IRAK2: variants seen among roughly 807,000 people sequenced by gnomAD.
IRAK2 encodes the protein interleukin 1 receptor associated kinase 2.
A neutral mutation model predicts 72.0 loss-of-function variants in IRAK2; 57 were observed. The observed-to-expected ratio is 0.79, with a 90% confidence interval of 0.64 to 0.99. The LOEUF (loss-of-function observed/expected upper bound fraction) is 0.99. Ranked by LOEUF, IRAK2 falls within the 50% of genes least tolerant of loss-of-function variation. IRAK2 has a pLI of 0.00. For synonymous variants in IRAK2, 293 were observed against 312.7 expected (o/e 0.94, Z 0.67); for missense variants, 790 against 794.4 (o/e 0.99, Z 0.07).
At chr3:10,238,276 T>G (rs1697997545) in intron 11 of IRAK2, among the ~76,000 whole-genome samples, 1 of 152,108 alleles carries the variant, frequency 6.6e-6, no homozygotes. Flanking sequence ...AGCCATTGTG[T>G]CTCTCTGTCT....
chr3:10,189,459 C>T (rs1322129932), intron 2 of IRAK2, among the ~76,000 whole-genome samples: 1 of 152,182 alleles, frequency 6.6e-6, no homozygotes, highest in Non-Finnish European at 1.5e-5. Context: ...ACTATATGGA[C>T]TGGGGGGCTG....
chr3:10,195,658 G>A (rs186764169), intron 2 of IRAK2, among the ~76,000 whole-genome samples: 186 of 152,260 alleles, frequency 1.2e-3, no homozygotes, highest in Non-Finnish European at 2.4e-3. Flanking sequence ...GCAGGCCTCC[G>A]ACAAGGAGAA....
intron 1 of IRAK2, among the ~76,000 whole-genome samples, chr3:10,176,841 C>T (rs952426405): frequency 4.7e-5 from 7 of 149,504 alleles, no homozygotes; most frequent in Admixed American, 1.3e-4. Context: ...CTCGCTCTGT[C>T]GCCCAGGCTG....
chr3:10,168,159 G>T (rs1178094102), intron 1 of IRAK2, among the ~76,000 whole-genome samples: 1 of 152,076 alleles, frequency 6.6e-6, no homozygotes, highest in Non-Finnish European at 1.5e-5. Context: ...ACCAGTGTAT[G>T]AGGATGACCA....
intron 9 of IRAK2, among the ~76,000 whole-genome samples, chr3:10,223,367 C>T (rs1048120818): frequency 6.6e-6 from 1 of 152,088 alleles, no homozygotes; most frequent in African/African-American, 2.4e-5. Context: ...TCCTTGTCTG[C>T]CATTATGTCG....
intron 2 of IRAK2, among the ~76,000 whole-genome samples, chr3:10,178,805 T>C (rs1382178032): frequency 6.6e-6 from 1 of 151,952 alleles, no homozygotes; most frequent in Non-Finnish European, 1.5e-5. Flanking sequence ...ATTCCTTTTT[T>C]AAAAACTTTT....
intron 11 of IRAK2, among the ~76,000 whole-genome samples, chr3:10,237,504 T>C (rs1211096889): frequency 5.3e-5 from 8 of 152,128 alleles, no homozygotes; most frequent in Non-Finnish European, 1.2e-4. Context: ...TCATGCATTG[T>C]GTATGAAATG....
At chr3:10,165,124 G>A in intron 1 of IRAK2, 76 bp downstream of exon 1, 1 of 1,267,860 alleles carries the variant, frequency 7.9e-7, no homozygotes, top group Non-Finnish European at 1.1e-6. Context: ...CGGCCGCCAA[G>A]CTCCCTCGGG....
At chr3:10,176,071 T>C (rs1376585248) in intron 1 of IRAK2, among the ~76,000 whole-genome samples, 1 of 147,608 alleles carries the variant, frequency 6.8e-6, no homozygotes. Flanking sequence ...CCATGTTTTT[T>C]TTTTTTTTTT....
In IRAK2 at chr3:10,242,225, C is replaced by T. The variant is rs762093370; in HGVS notation, c.1875C>T (p.Pro625=). 21 of 1,588,236 alleles carry T rather than the reference C, an allele frequency of 1.3e-5. No individual in the cohort carries two copies. Among genetic ancestry groups the T allele is most frequent in the African/African-American group, 1.3e-5 (1 of 74,360 alleles). Residue 625 remains proline (P), a synonymous_variant, in exon 13 of 13, where the codon CCC becomes CCT. Transcript: ENST00000256458. The part of the protein sequence containing the change: ...EKVDSIELFG[P] Reference sequence around the variant, plus strand: ...TGGACAGCATTGAGCTCTTTGGCCCCTGATGACCGGAACACAGCTGAGGAC... The same window carrying T: ...TGGACAGCATTGAGCTCTTTGGCCCTTGATGACCGGAACACAGCTGAGGAC...
intron 11 of IRAK2, among the ~76,000 whole-genome samples, chr3:10,235,481 G>A (rs1448999596): frequency 6.6e-6 from 1 of 152,040 alleles, no homozygotes; most frequent in East Asian, 1.9e-4. Context: ...TCTTTCTAAG[G>A]ACAAACTCTC....
In IRAK2 at chr3:10,217,850, G is replaced by C. The variant is rs145722051; in HGVS notation, c.903+802G>C. 2.6e-5 allele frequency among the ~76,000 whole-genome samples: 4 copies of C among 152,258 alleles called. No individual in the cohort carries two copies. In the East Asian group the frequency reaches 5.8e-4, roughly 22 times the overall value. ...TACTAATGATCTTTAGCTTTTCTGG[G>C]CACTCACTGTATGCAGGTTGCTGTG... On this transcript the variant is annotated intron_variant, in intron 7 of 12. Coordinates refer to ENST00000256458, the MANE Select transcript of IRAK2 (RefSeq NM_001570.4).
At chr3:10,226,484 T>C (rs753043590) in intron 10 of IRAK2, 51 bp downstream of exon 10, 1 of 1,473,708 alleles carries the variant, frequency 6.8e-7, no homozygotes, top group Non-Finnish European at 9.4e-7. Flanking sequence ...GCCTCACAGC[T>C]CTGTAGAGAG....
chr3:10,200,119 C>T (rs1437787790), intron 2 of IRAK2, among the ~76,000 whole-genome samples: 5 of 152,050 alleles, frequency 3.3e-5, no homozygotes, highest in Non-Finnish European at 7.4e-5. Context: ...AACTCCTGAC[C>T]TCAGGCAGTC....
intron 2 of IRAK2, among the ~76,000 whole-genome samples, chr3:10,198,225 C>T (rs461127): frequency 1.4e-4 from 21 of 151,742 alleles, no homozygotes; most frequent in Non-Finnish European, 2.8e-4. Flanking sequence ...CAAAACAAAA[C>T]GAAAATTTAT....
chr3:10,203,269 T>A (rs1697390165), intron 3 of IRAK2, among the ~76,000 whole-genome samples: 1 of 152,210 alleles, frequency 6.6e-6, no homozygotes. Context: ...AGTGCTGGGA[T>A]TACAGGCGTG....
At chr3:10,174,617 C>T (rs553324999) in intron 1 of IRAK2, among the ~76,000 whole-genome samples, 271 of 151,954 alleles carry the variant, frequency 1.8e-3, no homozygotes, top group Admixed American at 3.2e-3. Flanking sequence ...CTCTGCCTCC[C>T]GGGTTCAAGT....
chr3:10,212,834 G>A (rs1169887784), intron 4 of IRAK2, among the ~76,000 whole-genome samples: 11 of 146,018 alleles, frequency 7.5e-5, no homozygotes, highest in Non-Finnish European at 1.2e-4. Context: ...GCGCGATCTC[G>A]GCTCACTGCA....
chr3:10,195,429 G>A (rs1697247793), intron 2 of IRAK2, among the ~76,000 whole-genome samples: 1 of 152,096 alleles, frequency 6.6e-6, no homozygotes, highest in African/African-American at 2.4e-5. Flanking sequence ...GGTGTTGCCT[G>A]TAATCCCAGC....
Sources: allele counts gnomAD v4.1 joint callset (sites outside exome capture counted in the v4.1 genomes callset), GRCh38; gene constraint gnomAD v4.1.1; transcripts MANE v1.5; gene names NCBI Gene and HGNC (gene_info 2026-07-23, HGNC 2026-07-21).